The following CKAP5 variants were observed in gnomAD, a reference collection of about 807,000 sequenced individuals.
The protein encoded by CKAP5 is cytoskeleton associated protein 5, also known as cytoskeleton-associated protein 5.
Under a neutral mutation model 232.8 loss-of-function variants are expected in CKAP5, and 27 were observed. The ratio of observed to expected loss-of-function variants is 0.12; its 90% confidence interval spans 0.09 to 0.16. CKAP5 has a LOEUF of 0.16. Among genes scored for constraint, CKAP5 ranks in the 10% least tolerant of loss-of-function variants. The pLI is 1.00. For synonymous variants in CKAP5, 785 were observed against 841.1 expected, an observed-to-expected ratio of 0.93 and a Z score of 1.16; for missense variants, 1,838 against 2,424.7, an observed-to-expected ratio of 0.76 and a Z score of 5.08.
At chr11:46,833,145 T>A (rs921933119) in intron 1 of CKAP5, among the ~76,000 whole-genome samples, 1 of 151,860 alleles carries the variant, frequency 6.6e-6, no homozygotes, top group Non-Finnish European at 1.5e-5. Flanking sequence ...TAATCTAGAC[T>A]GGGGCAGCGG....
Position 46,810,605 on chromosome 11 carries a change from C to T in CKAP5, c.630+402G>A, listed in dbSNP as rs372106204. On this transcript the variant is annotated intron_variant, in intron 5 of 43. Transcript: ENST00000529230. ...GGATTATAAGTGTGAACCACTGCACCAGCGGAAGAAAATATATAATTAAAT... is the reference window on the plus strand; with the variant it reads ...GGATTATAAGTGTGAACCACTGCACTAGCGGAAGAAAATATATAATTAAAT... Among the ~76,000 whole-genome samples the T allele has an allele frequency of 5.3e-5, 8 of 152,232 alleles. No individual in the cohort carries two copies. The South Asian group carries it at 1.5e-3, about 28-fold the overall frequency.
At chr11:46,784,261 G>A (rs974280073) in intron 17 of CKAP5, among the ~76,000 whole-genome samples, 18 of 151,886 alleles carry the variant, frequency 1.2e-4, no homozygotes, top group African/African-American at 2.9e-4. Context: ...CCAGCTATGC[G>A]GGAGGCTGAA....
At position 46,777,541 on chromosome 11, in the gene CKAP5, C is replaced by G; in HGVS notation, c.2760G>C (p.Thr920=). The change falls in exon 23 of 44, where the codon ACG becomes ACC. Residue 920 remains threonine, a synonymous_variant. Transcript: ENST00000529230. ...NDSNKILVQQ[T]LNILQQLAVA... ...CTGCCAGTTGTTGCAGGATATTCAG[C>G]GTTTGCTGTACCTGAGTGGAAAGAG... 2 of 1,611,174 alleles carry G rather than the reference C, an allele frequency of 1.2e-6. No individual in the cohort carries two copies. Among genetic ancestry groups the G allele is most frequent in the Non-Finnish European group, 1.7e-6 (2 of 1,177,480 alleles).
intron 36 of CKAP5, among the ~76,000 whole-genome samples, 199 bp from the exon 37 acceptor site, chr11:46,753,696 C>T (rs1001620415): frequency 6.6e-6 from 1 of 151,958 alleles, no homozygotes; most frequent in Non-Finnish European, 1.5e-5. Flanking sequence ...ATGCCATTCT[C>T]CTGCCTCAGT....
intron 2 of CKAP5, among the ~76,000 whole-genome samples, chr11:46,819,183 T>G (rs886691104): frequency 1.3e-5 from 2 of 152,160 alleles, no homozygotes; most frequent in African/African-American, 2.4e-5. Context: ...AGAAAAAATT[T>G]CCTGAGAAAT....
At chr11:46,798,030 A>T (rs552776296) in intron 10 of CKAP5, 53 bp downstream of exon 10, 1 of 1,604,332 alleles carries the variant, frequency 6.2e-7, no homozygotes, top group Non-Finnish European at 8.5e-7. Flanking sequence ...TCAAAATATT[A>T]TATTTACAAA....
At chr11:46,747,722 G>A (rs2065032555) in intron 42 of CKAP5, among the ~76,000 whole-genome samples, 1 of 152,100 alleles carries the variant, frequency 6.6e-6, no homozygotes, top group Non-Finnish European at 1.5e-5. Flanking sequence ...GAAATAGCCA[G>A]TGCAAAGGCC....
chr11:46,844,646 T>G lies in CKAP5; in HGVS notation c.-38+1574A>C, dbSNP rs181657769. Among the ~76,000 whole-genome samples the G allele has an allele frequency of 2.8e-3, 421 of 152,276 alleles. 2 individuals are homozygous for G. Among genetic ancestry groups the G allele is most frequent in the African/African-American group, 9.6e-3 (399 of 41,548 alleles). On this transcript the variant is annotated intron_variant, in intron 1 of 43. Coordinates refer to ENST00000529230, the MANE Select transcript of CKAP5 (RefSeq NM_001008938.4). ...CAGTGAACAGCCTTTTAAAAAATTT[T>G]TTTTCTTTTTTTTGAGACAGAGGGT...
chr11:46,799,124 C>T (rs751067950), intron 9 of CKAP5, among the ~76,000 whole-genome samples: 3 of 152,038 alleles, frequency 2.0e-5, no homozygotes, highest in Non-Finnish European at 2.9e-5. Context: ...CTCAGCCTCC[C>T]GAGTAGGTAG....
rs547551387 is a variant in CKAP5 at position 46,822,116 on chromosome 11, T to C, written c.-37-848A>G. ...CAACATGGTGGAACCCCATCTATAC[T>C]AAAAACACAAAAATTAGCCAGGCGT... On this transcript the variant is annotated intron_variant, in intron 1 of 43. Coordinates refer to ENST00000529230, the MANE Select transcript of CKAP5 (RefSeq NM_001008938.4). Among the ~76,000 whole-genome samples, 11 of 152,004 alleles carry C rather than the reference T, an allele frequency of 7.2e-5. No homozygotes were observed. The South Asian group carries it at 2.1e-3, about 29-fold the overall frequency.
At chr11:46,843,870 C>G (rs1422459755) in intron 1 of CKAP5, among the ~76,000 whole-genome samples, 1 of 152,064 alleles carries the variant, frequency 6.6e-6, no homozygotes, top group Non-Finnish European at 1.5e-5. Flanking sequence ...ACTTCCCCTA[C>G]CTAGTATTGC....
rs1938745251 is a variant in CKAP5 at position 46,792,207 on chromosome 11, T to TCCC, written c.1651-1625_1651-1624insGGG. 2.0e-5 allele frequency among the ~76,000 whole-genome samples: 3 copies of TCCC among 151,648 alleles called. No homozygotes were observed. The South Asian group carries it at 6.3e-4, about 32-fold the overall frequency. ...GGAGAGATACTTCAAATAACAAATC[T>TCCC]ACTATTCTTTTTGTTGTTGTTAACA... is the stretch of plus-strand genomic sequence containing the variant. On this transcript the variant is annotated intron_variant, in intron 13 of 43. Coordinates refer to ENST00000529230, the MANE Select transcript of CKAP5 (RefSeq NM_001008938.4).
At chr11:46,835,980 C>A (rs1452981807) in intron 1 of CKAP5, among the ~76,000 whole-genome samples, 1 of 152,172 alleles carries the variant, frequency 6.6e-6, no homozygotes, top group African/African-American at 2.4e-5. Flanking sequence ...ACACGTAATT[C>A]TTGACTAATC....
intron 29 of CKAP5, 151 bp from the exon 30 acceptor site, chr11:46,763,330 A>G (rs1228318315): frequency 1.1e-6 from 1 of 938,600 alleles, no homozygotes; most frequent in African/African-American, 1.7e-5. Flanking sequence ...ATACACACAC[A>G]TTCATTTATT....
intron 12 of CKAP5, among the ~76,000 whole-genome samples, chr11:46,796,114 G>A (rs1309249298): frequency 2.1e-5 from 3 of 143,854 alleles, no homozygotes; most frequent in East Asian, 4.3e-4. Context: ...GCAGTAAGCT[G>A]AGATTGTGCC....
intron 4 of CKAP5, among the ~76,000 whole-genome samples, chr11:46,815,829 T>C (rs543063355): frequency 2.0e-5 from 3 of 152,266 alleles, no homozygotes; most frequent in East Asian, 1.9e-4. Flanking sequence ...CCAAACTCAA[T>C]TGAGATACTC....
intron 24 of CKAP5, 62 bp from the exon 25 acceptor site, chr11:46,771,044 T>A: frequency 7.1e-7 from 1 of 1,409,370 alleles, no homozygotes; most frequent in Non-Finnish European, 9.8e-7. Flanking sequence ...ATTTATGATC[T>A]CAGGCTTACT....
intron 1 of CKAP5, among the ~76,000 whole-genome samples, chr11:46,823,272 C>A: frequency 6.6e-6 from 1 of 152,078 alleles, no homozygotes; most frequent in South Asian, 2.1e-4. Flanking sequence ...ACACCTTTTT[C>A]TTATAAAAGT....
chr11:46,770,237 T>C lies in CKAP5; in HGVS notation c.3187-139A>G, dbSNP rs2065236233. On this transcript the variant is annotated intron_variant, in intron 25 of 43. Coordinates refer to ENST00000529230, the MANE Select transcript of CKAP5 (RefSeq NM_001008938.4). ...CCACTGAAGTAAGGGAGGCAGTACA[T>C]GGTGTCAGAGAAGTCACACACATTA... 3.7e-6 allele frequency: 3 copies of C among 819,470 alleles called. No individual in the cohort carries two copies. In the East Asian group the frequency reaches 7.7e-5, roughly 21 times the overall value. 50.8% of individuals were successfully genotyped at this position (819,470 alleles called of 1,614,324 possible). A position where few individuals can be genotyped will look rare whatever the true frequency, so the allele number is the denominator to read the frequency against.
Sources: gnomAD v4.1 joint callset for allele counts (sites outside exome capture counted in the v4.1 genomes callset) on GRCh38, gnomAD v4.1.1 for gene constraint, MANE v1.5 for transcripts, NCBI Gene and HGNC (gene_info 2026-07-23, HGNC 2026-07-21) for gene names.